TIMM23: variants seen among roughly 807,000 people sequenced by gnomAD.
TIMM23 encodes translocase of inner mitochondrial membrane 23, also known as mitochondrial import inner membrane translocase subunit Tim23.
TIMM23 carries 19 observed loss-of-function variants against 30.7 expected under a neutral mutation model. The observed-to-expected ratio is 0.62, with a 90% CI of 0.43 to 0.91. The LOEUF is 0.91. Among genes scored for constraint, TIMM23 ranks in the 40% least tolerant of loss-of-function variants. The pLI is 0.00. For synonymous variants in TIMM23, 78 were observed against 98.5 expected (o/e 0.79, Z 1.23); for missense variants, 202 against 269.2 (o/e 0.75, Z 1.75).
intron 6 of TIMM23, among the ~76,000 whole-genome samples, chr10:45,999,862 C>CT (rs1243776094): frequency 6.6e-6 from 1 of 152,162 alleles, no homozygotes; most frequent in Admixed American, 6.5e-5. Context: ...GGGGGGCCAT[C>CT]TATAGACCTA....
chr10:45,979,535 G>A (rs1837780523), intron 2 of TIMM23, among the ~76,000 whole-genome samples: 2 of 148,572 alleles, frequency 1.3e-5, no homozygotes, highest in Non-Finnish European at 3.0e-5. Flanking sequence ...CTTAACTCCT[G>A]GCCTCAAGTG....
chr10:45,991,692 G>A lies in TIMM23; in HGVS notation c.514+2845G>A, dbSNP rs1179509278. On this transcript the variant is annotated intron_variant, in intron 6 of 6. Coordinates refer to ENST00000580018, the MANE Select transcript of TIMM23 (RefSeq NM_006327.4). ...CTTGAACCTGGGAGGTGGAGGTTGC[G>A]GTGAGGCGAGATCACGCCACTGCAC... Among the ~76,000 whole-genome samples the A allele has an allele frequency of 5.3e-5, 8 of 151,942 alleles. No homozygotes were observed. The East Asian group carries it at 1.4e-3, about 26-fold the overall frequency.
chr10:45,974,126 C>T (rs587745480), intron 1 of TIMM23, among the ~76,000 whole-genome samples: 4 of 150,034 alleles, frequency 2.7e-5, no homozygotes, highest in Admixed American at 1.3e-4. Context: ...GTGCTAGCTA[C>T]TTTTCTGGGG....
intron 2 of TIMM23, among the ~76,000 whole-genome samples, chr10:45,979,657 A>G (rs1403038683): frequency 2.2e-5 from 1 of 45,020 alleles, no homozygotes; most frequent in African/African-American, 8.5e-5. Context: ...GGAACCTTTT[A>G]TTTCACAGTT....
At chr10:45,983,340 C>T (rs1380356652) in intron 4 of TIMM23, among the ~76,000 whole-genome samples, 41 of 152,104 alleles carry the variant, frequency 2.7e-4, no homozygotes, top group African/African-American at 9.9e-4. Context: ...CATCATTTAA[C>T]TTGAAGTTCT....
chr10:46,000,563 A>AC (rs1406253927), intron 6 of TIMM23, among the ~76,000 whole-genome samples: 29 of 152,090 alleles, frequency 1.9e-4, no homozygotes, highest in African/African-American at 7.0e-4. Flanking sequence ...TCACTATGTT[A>AC]CCCCTAGTGC....
chr10:45,977,366 A>G (rs1554913282), intron 2 of TIMM23, among the ~76,000 whole-genome samples: 1 of 152,102 alleles, frequency 6.6e-6, no homozygotes, highest in Non-Finnish European at 1.5e-5. Flanking sequence ...TAACATAAGA[A>G]TAAATCCATA....
intron 2 of TIMM23, among the ~76,000 whole-genome samples, chr10:45,980,523 G>A (rs1280325774): frequency 6.6e-6 from 1 of 151,764 alleles, no homozygotes; most frequent in Non-Finnish European, 1.5e-5. Flanking sequence ...GTTAGCCCAG[G>A]TGAACATCTG....
intron 6 of TIMM23, among the ~76,000 whole-genome samples, chr10:45,993,317 C>T (rs1554916170): frequency 6.8e-6 from 1 of 147,290 alleles, no homozygotes; most frequent in African/African-American, 2.5e-5. Context: ...ATGATCTCGG[C>T]TCACAGCACC....
At chr10:45,979,240 A>G (rs1220904735) in intron 2 of TIMM23, among the ~76,000 whole-genome samples, 1 of 152,160 alleles carries the variant, frequency 6.6e-6, no homozygotes, top group Non-Finnish European at 1.5e-5. Flanking sequence ...AAAACCACTG[A>G]ATTGTACGCT....
chr10:45,992,217 G>C (rs1245824994), intron 6 of TIMM23, among the ~76,000 whole-genome samples: 2 of 152,154 alleles, frequency 1.3e-5, no homozygotes, highest in African/African-American at 2.4e-5. Context: ...TCCCACCTCA[G>C]CCTCCTGAGT....
chr10:45,991,840 A>G lies in TIMM23; in HGVS notation c.514+2993A>G, dbSNP rs1264202830. On this transcript the variant is annotated intron_variant, in intron 6 of 6. Coordinates refer to ENST00000580018, the MANE Select transcript of TIMM23 (RefSeq NM_006327.4). ...TTTGGTGGTTTCTTTCTGTTTTGTT[A>G]TATTGTGGAAGCAATATATGTGACT... is the stretch of plus-strand genomic sequence containing the variant. Among the ~76,000 whole-genome samples, 28 of 152,220 alleles carry G rather than the reference A, an allele frequency of 1.8e-4. 1 individual carries two copies. In the East Asian group the frequency reaches 5.0e-3, roughly 27 times the overall value.
At chr10:46,000,715 C>G (rs1554917547) in intron 6 of TIMM23, among the ~76,000 whole-genome samples, 1 of 152,236 alleles carries the variant, frequency 6.6e-6, no homozygotes, top group African/African-American at 2.4e-5. Context: ...GGTTTTGCAG[C>G]TCTTTCCAAA....
intron 6 of TIMM23, among the ~76,000 whole-genome samples, chr10:46,000,229 G>T (rs1838485554): frequency 6.6e-6 from 1 of 152,222 alleles, no homozygotes; most frequent in Non-Finnish European, 1.5e-5. Context: ...TTGGGGAAGT[G>T]ATAAGTGTCC....
intron 5 of TIMM23, among the ~76,000 whole-genome samples, chr10:45,986,412 C>T (rs1237506695): frequency 6.7e-6 from 1 of 150,218 alleles, no homozygotes; most frequent in Non-Finnish European, 1.5e-5. Context: ...CCAATAATCA[C>T]CCCCCGCCCA....
chr10:45,985,564 A>C (rs1182794626), intron 5 of TIMM23, 123 bp downstream of exon 5: 1 of 1,210,204 alleles, frequency 8.3e-7, no homozygotes, highest in Admixed American at 1.7e-5. Context: ...ACCCATTCCA[A>C]TGCATAATGT....
At position 45,972,746 on chromosome 10, in the gene TIMM23, A is replaced by G; in HGVS notation, c.106+16A>G. On this transcript the variant is annotated intron_variant, in intron 1 of 6. Coordinates refer to ENST00000580018, the MANE Select transcript of TIMM23 (RefSeq NM_006327.4). ...GGCGTCCCGCGTAAGTATGGGGCCT[A>G]GCTTGCGATTATTTCTGACTGGTTT... 6.2e-7 allele frequency: 1 copy of G among 1,612,898 alleles called. No individual in the cohort carries two copies. The highest frequency in any genetic ancestry group is 1.1e-5 in the South Asian group (1 of 90,966).
At chr10:45,979,016 A>G (rs1349668080) in intron 2 of TIMM23, among the ~76,000 whole-genome samples, 1 of 152,234 alleles carries the variant, frequency 6.6e-6, no homozygotes, top group African/African-American at 2.4e-5. Context: ...TCCTAAATGA[A>G]AGAAACCAGT....
In TIMM23 at chr10:46,003,343, G is replaced by A. The variant is rs782021036; in HGVS notation, c.*25G>A. 1.4e-5 allele frequency: 21 copies of A among 1,486,520 alleles called. No individual in the cohort carries two copies. Among genetic ancestry groups the A allele is most frequent in the Non-Finnish European group, 2.0e-5 (21 of 1,064,294 alleles). The allele number at this position is 1,486,520 out of a possible 1,614,324, so 92.1% of individuals were successfully genotyped here. On this transcript the variant is annotated 3_prime_UTR_variant, in exon 7 of 7. Coordinates refer to ENST00000580018, the MANE Select transcript of TIMM23 (RefSeq NM_006327.4). ...AAGATTTTGCCAACTCATGAATGGA[G>A]GACACTTCAGTAGTCATCTAGATCC...
Sources: allele counts gnomAD v4.1 joint callset (sites outside exome capture counted in the v4.1 genomes callset), GRCh38; gene constraint gnomAD v4.1.1; transcripts MANE v1.5; gene names NCBI Gene and HGNC (gene_info 2026-07-23, HGNC 2026-07-21).